SCFD1: variants seen among roughly 807,000 people sequenced by gnomAD.
SCFD1 encodes the protein sec1 family domain-containing protein 1.
Under a neutral mutation model 103.2 loss-of-function variants are expected in SCFD1, and 37 were observed. The ratio of observed to expected loss-of-function variants is 0.36; its 90% confidence interval spans 0.28 to 0.47. The LOEUF (loss-of-function observed/expected upper bound fraction) is 0.47. SCFD1 is among the 20% of genes least tolerant of loss of function. SCFD1 has a pLI of 1.00. For synonymous variants in SCFD1, 264 were observed against 245.0 expected (o/e 1.08, Z -0.73); for missense variants, 639 against 761.2 (o/e 0.84, Z 1.89).
At chr14:30,664,089 C>T (rs1268227697) in intron 10 of SCFD1, among the ~76,000 whole-genome samples, 1 of 152,156 alleles carries the variant, frequency 6.6e-6, no homozygotes, top group African/African-American at 2.4e-5. Context: ...GGATCCCTGA[C>T]CCCTGTGTAG....
At chr14:30,703,945 AT>A (rs1891272962) in intron 17 of SCFD1, among the ~76,000 whole-genome samples, 17 of 61,254 alleles carry the variant, frequency 2.8e-4, no homozygotes, top group African/African-American at 7.0e-4. Flanking sequence ...ATATATATAT[AT>A]ATATATATAT....
intron 14 of SCFD1, chr14:30,682,992 C>A (rs916491562): frequency 2.5e-5 from 21 of 855,782 alleles, no homozygotes; most frequent in Non-Finnish European, 3.6e-5. Flanking sequence ...AAAAGACAGA[C>A]CATCTAAGGA....
intron 19 of SCFD1, among the ~76,000 whole-genome samples, chr14:30,710,046 T>A (rs998357060): frequency 1.3e-5 from 2 of 152,188 alleles, no homozygotes; most frequent in Non-Finnish European, 2.9e-5. Context: ...TTGAACTTAC[T>A]ACCTCAGAGT....
intron 2 of SCFD1, among the ~76,000 whole-genome samples, chr14:30,629,533 T>C (rs73251151): frequency 0.017 from 2,523 of 151,842 alleles, 93 homozygotes; most frequent in African/African-American, 0.057. Flanking sequence ...TGTGAGGAAG[T>C]GTATTTGATA....
chr14:30,701,908 C>A (rs1317312380), intron 16 of SCFD1, among the ~76,000 whole-genome samples: 1 of 152,146 alleles, frequency 6.6e-6, no homozygotes, highest in Non-Finnish European at 1.5e-5. Flanking sequence ...ATCTGCAGCT[C>A]CCCTCAGTTG....
intron 10 of SCFD1, among the ~76,000 whole-genome samples, chr14:30,654,633 C>G (rs1321554207): frequency 6.7e-6 from 1 of 149,736 alleles, no homozygotes; most frequent in Non-Finnish European, 1.5e-5. Flanking sequence ...AAGATTGTGC[C>G]ACTGCACTCC....
intron 18 of SCFD1, 93 bp downstream of exon 18, chr14:30,705,978 G>A: frequency 1.0e-6 from 1 of 979,900 alleles, no homozygotes; most frequent in Non-Finnish European, 1.6e-6. Context: ...TACTTTGAAT[G>A]CGGAAAATGT....
chr14:30,708,412 G>T (rs1437308194), intron 19 of SCFD1, among the ~76,000 whole-genome samples: 4 of 152,076 alleles, frequency 2.6e-5, no homozygotes, highest in Non-Finnish European at 5.9e-5. Context: ...GAGCTCCCAT[G>T]TGGTATTTGG....
chr14:30,635,807 T>G (rs1884663754), intron 4 of SCFD1, among the ~76,000 whole-genome samples: 1 of 151,630 alleles, frequency 6.6e-6, no homozygotes, highest in South Asian at 2.1e-4. Context: ...ATGATAACTC[T>G]ATGTTTACCT....
At chr14:30,675,632 G>A (rs1330885117) in intron 14 of SCFD1, among the ~76,000 whole-genome samples, 1 of 152,024 alleles carries the variant, frequency 6.6e-6, no homozygotes, top group African/African-American at 2.4e-5. Context: ...CAGTCCTTCA[G>A]TATTCTGCTA....
At chr14:30,717,525 T>C (rs1261857944) in intron 20 of SCFD1, among the ~76,000 whole-genome samples, 1 of 151,890 alleles carries the variant, frequency 6.6e-6, no homozygotes, top group Non-Finnish European at 1.5e-5. Context: ...TCCCTAATCT[T>C]GAAGTTGAGA....
intron 23 of SCFD1, among the ~76,000 whole-genome samples, chr14:30,726,204 A>G (rs1390270096): frequency 6.6e-6 from 1 of 152,172 alleles, no homozygotes; most frequent in African/African-American, 2.4e-5. Context: ...AACTTTTAAA[A>G]AAATTGCAGT....
At chr14:30,725,910 T>C (rs1893010626) in intron 23 of SCFD1, among the ~76,000 whole-genome samples, 1 of 152,176 alleles carries the variant, frequency 6.6e-6, no homozygotes, top group Non-Finnish European at 1.5e-5. Context: ...CTAGTACAAG[T>C]TGCCCCCTAG....
intron 21 of SCFD1, among the ~76,000 whole-genome samples, chr14:30,720,617 TG>T (rs1290751380): frequency 6.6e-6 from 1 of 152,168 alleles, no homozygotes; most frequent in East Asian, 1.9e-4. Flanking sequence ...ATTTTTTTCT[TG>T]TGTTTATTCT....
intron 3 of SCFD1, among the ~76,000 whole-genome samples, chr14:30,632,746 A>G (rs1218719170): frequency 6.6e-6 from 1 of 152,232 alleles, no homozygotes; most frequent in Non-Finnish European, 1.5e-5. Context: ...CAACCAGTTA[A>G]TAACAGAGCC....
At chr14:30,675,586 C>T (rs1888963426) in intron 14 of SCFD1, among the ~76,000 whole-genome samples, 1 of 152,046 alleles carries the variant, frequency 6.6e-6, no homozygotes, top group South Asian at 2.1e-4. Flanking sequence ...TTCTCATTAC[C>T]GTGTTCATGA....
chr14:30,634,763 T>G (rs1393878945), intron 4 of SCFD1: 2 of 454,162 alleles, frequency 4.4e-6, no homozygotes, highest in East Asian at 7.0e-5. Flanking sequence ...GTTTGTTGGT[T>G]TTCCTTGTCT....
chr14:30,646,305 G>C (rs1283160328), intron 7 of SCFD1, among the ~76,000 whole-genome samples: 1 of 152,196 alleles, frequency 6.6e-6, no homozygotes, highest in African/African-American at 2.4e-5. Context: ...ACAGGCGTGA[G>C]CCACCACGCC....
At chr14:30,693,349 G>A (rs1325901696) in intron 14 of SCFD1, among the ~76,000 whole-genome samples, 1 of 152,120 alleles carries the variant, frequency 6.6e-6, no homozygotes, top group Non-Finnish European at 1.5e-5. Flanking sequence ...GAAATGGGGT[G>A]GAAGAGGACG....
Sources: allele counts gnomAD v4.1 joint callset (sites outside exome capture counted in the v4.1 genomes callset), GRCh38; gene constraint gnomAD v4.1.1; transcripts MANE v1.5; gene names NCBI Gene and HGNC (gene_info 2026-07-23, HGNC 2026-07-21).